Variants in ARL15 observed in about 807,000 individuals in gnomAD.
ARL15 encodes the protein ARF like GTPase 15.
ARL15 carries 19 observed loss-of-function variants against 25.2 expected under a neutral mutation model. The ratio of observed to expected loss-of-function variants is 0.75; its 90% CI spans 0.53 to 1.10. The LOEUF (loss-of-function observed/expected upper bound fraction) is 1.10, where lower values mean the gene tolerates loss of function less well. ARL15 is among the 50% of genes least tolerant of loss of function. The pLI is 0.00. For missense variants in ARL15, 220 were observed against 246.0 expected, an observed-to-expected ratio of 0.89 and a Z score of 0.71; for synonymous variants, 94 against 86.8, an observed-to-expected ratio of 1.08 and a Z score of -0.46.
At chr5:54,035,002 A>G (rs898729410) in intron 4 of ARL15, among the ~76,000 whole-genome samples, 1 of 152,072 alleles carries the variant, frequency 6.6e-6, no homozygotes, top group Non-Finnish European at 1.5e-5. Flanking sequence ...CTTAATCTAA[A>G]ATATTAAAAT....
intron 1 of ARL15, among the ~76,000 whole-genome samples, chr5:54,195,376 A>C (rs1385212245): frequency 6.6e-6 from 1 of 152,216 alleles, no homozygotes; most frequent in Non-Finnish European, 1.5e-5. Context: ...AAAGGTTACA[A>C]AACATGGTGA....
intron 4 of ARL15, among the ~76,000 whole-genome samples, chr5:54,060,686 T>C (rs1419997740): frequency 1.3e-5 from 2 of 152,164 alleles, no homozygotes; most frequent in Non-Finnish European, 2.9e-5. Flanking sequence ...TTGGTACCAG[T>C]AGAGTTGGGC....
intron 4 of ARL15, among the ~76,000 whole-genome samples, chr5:53,970,312 C>G (rs575624945): frequency 1.6e-4 from 24 of 152,194 alleles, no homozygotes; most frequent in African/African-American, 5.3e-4. Context: ...TGTGCCAACT[C>G]CAGGAGGGTA....
At chr5:53,975,317 C>G (rs1287775954) in intron 4 of ARL15, among the ~76,000 whole-genome samples, 1 of 152,174 alleles carries the variant, frequency 6.6e-6, no homozygotes, top group Non-Finnish European at 1.5e-5. Flanking sequence ...CAAGCTGGGA[C>G]TTGATTTGGT....
chr5:53,995,902 C>G (rs922154632), intron 4 of ARL15, among the ~76,000 whole-genome samples: 1 of 152,072 alleles, frequency 6.6e-6, no homozygotes, highest in Non-Finnish European at 1.5e-5. Context: ...AAAACAGAAA[C>G]AAAAACAGAA....
chr5:54,277,126 C>T (rs1163091929), intron 1 of ARL15, among the ~76,000 whole-genome samples: 2 of 151,944 alleles, frequency 1.3e-5, no homozygotes, highest in Non-Finnish European at 1.5e-5. Context: ...ACCTAAAGAG[C>T]TAAATGAAAA....
At chr5:54,094,042 A>G (rs150117123) in intron 4 of ARL15, among the ~76,000 whole-genome samples, 13 of 152,302 alleles carry the variant, frequency 8.5e-5, no homozygotes, top group African/African-American at 3.1e-4. Flanking sequence ...GATGAAAGGC[A>G]TTTCAGATGA....
At chr5:54,234,405 T>C (rs192304761) in intron 1 of ARL15, among the ~76,000 whole-genome samples, 38 of 152,222 alleles carry the variant, frequency 2.5e-4, no homozygotes, top group Admixed American at 2.1e-3. Context: ...TTAATAATTA[T>C]CAATGGTGTA....
chr5:53,892,568 A>G (rs760373497), intron 4 of ARL15, among the ~76,000 whole-genome samples: 2 of 149,828 alleles, frequency 1.3e-5, no homozygotes, highest in Non-Finnish European at 3.0e-5. Context: ...ATGGATTCAT[A>G]TTGGTTCTGT....
At chr5:54,106,431 G>A (rs1752592097) in intron 4 of ARL15, among the ~76,000 whole-genome samples, 1 of 152,142 alleles carries the variant, frequency 6.6e-6, no homozygotes, top group South Asian at 2.1e-4. Context: ...ACAAAATACA[G>A]TTATCCCTTG....
intron 4 of ARL15, among the ~76,000 whole-genome samples, chr5:54,045,235 A>G (rs1750468979): frequency 6.6e-6 from 1 of 152,182 alleles, no homozygotes; most frequent in Non-Finnish European, 1.5e-5. Flanking sequence ...ACACACACAC[A>G]CACAATTGGG....
At chr5:53,926,735 T>C (rs1746039424) in intron 4 of ARL15, among the ~76,000 whole-genome samples, 1 of 152,180 alleles carries the variant, frequency 6.6e-6, no homozygotes, top group Non-Finnish European at 1.5e-5. Context: ...TGATTCTCTC[T>C]CTGCCATCCA....
intron 1 of ARL15, among the ~76,000 whole-genome samples, chr5:54,306,484 G>C (rs1372106331): frequency 2.7e-5 from 4 of 148,732 alleles, no homozygotes; most frequent in Non-Finnish European, 5.9e-5. Flanking sequence ...TCTGCCTCCT[G>C]GGTTCAAGCG....
intron 1 of ARL15, among the ~76,000 whole-genome samples, chr5:54,295,005 C>T (rs1289538402): frequency 6.6e-6 from 1 of 152,166 alleles, no homozygotes; most frequent in Non-Finnish European, 1.5e-5. Context: ...CTCACTTTTA[C>T]GATGGTTTAT....
intron 1 of ARL15, among the ~76,000 whole-genome samples, chr5:54,213,169 G>A (rs1756091014): frequency 6.6e-6 from 1 of 152,178 alleles, no homozygotes; most frequent in Admixed American, 6.5e-5. Context: ...TTCACACATT[G>A]CTAAAACACT....
chr5:54,125,520 T>A (rs1352811720), intron 3 of ARL15, among the ~76,000 whole-genome samples: 1 of 152,202 alleles, frequency 6.6e-6, no homozygotes, highest in Non-Finnish European at 1.5e-5. Context: ...CTTTTATGGA[T>A]GAATAATATT....
intron 2 of ARL15, among the ~76,000 whole-genome samples, chr5:54,155,680 T>TTACACACACA (rs71600806): frequency 6.7e-6 from 1 of 149,940 alleles, no homozygotes; most frequent in African/African-American, 2.5e-5. Flanking sequence ...ATATACCCAT[T>TTACACACACA]CACACACACA....
rs140443346 is a variant in ARL15 at position 54,185,382 on chromosome 5, T to G, written c.49-13454A>C. 6.6e-3 allele frequency among the ~76,000 whole-genome samples: 998 copies of G among 152,304 alleles called. 4 individuals carry two copies. The highest frequency in any genetic ancestry group is 0.011 in the Non-Finnish European group (750 of 68,026). On this transcript the variant is annotated intron_variant, in intron 1 of 4. Transcript: ENST00000504924. ...CCTCACTCTGATTTAGATGACCTTC[T>G]CCAAACTCCCTGAGTATCTTTTCTA...
intron 4 of ARL15, among the ~76,000 whole-genome samples, chr5:54,035,904 A>G (rs1397059324): frequency 1.3e-5 from 2 of 152,218 alleles, no homozygotes; most frequent in African/African-American, 4.8e-5. Flanking sequence ...TGAGAAAAAT[A>G]AAATTAATAT....
Sources: gnomAD v4.1 joint callset for allele counts (sites outside exome capture counted in the v4.1 genomes callset) on GRCh38, gnomAD v4.1.1 for gene constraint, MANE v1.5 for transcripts, NCBI Gene and HGNC (gene_info 2026-07-23, HGNC 2026-07-21) for gene names.